The following FAM110B variants were observed in gnomAD, a reference collection of about 807,000 sequenced individuals.
FAM110B encodes protein FAM110B.
FAM110B carries 6 observed loss-of-function variants against 20.4 expected under a neutral mutation model. That is an observed-to-expected ratio of 0.29 (90% CI 0.16 to 0.58). FAM110B has a LOEUF of 0.58. Ranked by LOEUF, FAM110B falls within the 20% of genes least tolerant of loss-of-function variation. The probability of loss-of-function intolerance (pLI) is 0.90; values close to 1 mark genes in which losing one functional copy is unlikely to be tolerated. For synonymous variants in FAM110B, 226 were observed against 214.1 expected, an observed-to-expected ratio of 1.06 and a Z score of -0.49; for missense variants, 434 against 498.2, an observed-to-expected ratio of 0.87 and a Z score of 1.23.
chr8:58,112,604 C>T (rs1218493930), intron 3 of FAM110B, among the ~76,000 whole-genome samples: 2 of 152,334 alleles, frequency 1.3e-5, no homozygotes, highest in Non-Finnish European at 2.9e-5. Flanking sequence ...CTGGGCCACG[C>T]CCCTGGGCTC....
intron 2 of FAM110B, among the ~76,000 whole-genome samples, chr8:58,054,665 G>C (rs1192846923): frequency 6.6e-6 from 1 of 152,172 alleles, no homozygotes; most frequent in African/African-American, 2.4e-5. Context: ...AGTCTTGGGA[G>C]CCCTTGGAAA....
intron 3 of FAM110B, among the ~76,000 whole-genome samples, chr8:58,086,804 G>T (rs1300421676): frequency 2.6e-5 from 4 of 152,200 alleles, no homozygotes; most frequent in African/African-American, 4.8e-5. Context: ...CCCCAGTAAA[G>T]ACAAAGGAAT....
chr8:58,014,401 C>T (rs549636364), intron 1 of FAM110B, among the ~76,000 whole-genome samples: 1 of 152,206 alleles, frequency 6.6e-6, no homozygotes, highest in Admixed American at 6.5e-5. Context: ...GGGAGGGCCT[C>T]GAGATCTGCA....
intron 1 of FAM110B, among the ~76,000 whole-genome samples, chr8:58,017,654 A>G (rs907182027): frequency 6.6e-6 from 1 of 152,238 alleles, no homozygotes; most frequent in Non-Finnish European, 1.5e-5. Flanking sequence ...TACAGCCTCA[A>G]TCTCTTAGAA....
At position 58,107,670 on chromosome 8, in the gene FAM110B, G is replaced by A. The variant is rs532531904; in HGVS notation, c.-325+32047G>A. Among the ~76,000 whole-genome samples the A allele has an allele frequency of 2.6e-4, 39 of 152,256 alleles. No individual in the cohort carries two copies. In the South Asian group the frequency reaches 6.6e-3, roughly 26 times the overall value. On this transcript the variant is annotated intron_variant, in intron 3 of 3. Transcript: ENST00000519262. ...GTTTGTATAATGCATAATAATAAGC[G>A]CCTCTGGATTATTTTTAATGCATCA...
At chr8:57,995,126 C>T (rs1463656794) in intron 1 of FAM110B, among the ~76,000 whole-genome samples, 3 of 152,088 alleles carry the variant, frequency 2.0e-5, no homozygotes, top group African/African-American at 7.2e-5. Flanking sequence ...GGCACGGGGC[C>T]GGGGCTGGAG....
At chr8:58,038,027 C>T (rs1459486669) in intron 2 of FAM110B, among the ~76,000 whole-genome samples, 1 of 152,138 alleles carries the variant, frequency 6.6e-6, no homozygotes, top group East Asian at 1.9e-4. Flanking sequence ...TGTATTGTAC[C>T]AAATGAATTC....
chr8:58,076,666 A>G (rs1046119228), intron 3 of FAM110B, among the ~76,000 whole-genome samples: 10 of 152,198 alleles, frequency 6.6e-5, no homozygotes, highest in Non-Finnish European at 1.2e-4. Context: ...TGAGAGCTCA[A>G]TAACACCAAA....
intron 2 of FAM110B, among the ~76,000 whole-genome samples, chr8:58,054,343 A>G (rs377632435): frequency 6.6e-6 from 1 of 152,196 alleles, no homozygotes; most frequent in Non-Finnish European, 1.5e-5. Flanking sequence ...GTCTACACCC[A>G]TGGTAGCCTC....
At chr8:58,086,698 T>C (rs1806345630) in intron 3 of FAM110B, among the ~76,000 whole-genome samples, 1 of 152,220 alleles carries the variant, frequency 6.6e-6, no homozygotes, top group Non-Finnish European at 1.5e-5. Flanking sequence ...TGTAAAATAC[T>C]CTACAAACTG....
intron 2 of FAM110B, among the ~76,000 whole-genome samples, chr8:58,056,043 C>CCT (rs1356225885): frequency 6.6e-6 from 1 of 152,130 alleles, no homozygotes; most frequent in African/African-American, 2.4e-5. Flanking sequence ...CAAATCCAAC[C>CCT]CTCTGTCTGT....
chr8:58,014,800 A>G (rs1425218001), intron 1 of FAM110B, among the ~76,000 whole-genome samples: 1 of 146,990 alleles, frequency 6.8e-6, no homozygotes, highest in Admixed American at 6.7e-5. Flanking sequence ...GGACATCTGG[A>G]AGCAAACCTA....
chr8:58,136,115 G>A lies in FAM110B; in HGVS notation c.-324-9792G>A, dbSNP rs372193295. Reference sequence around the variant, plus strand: ...CAACCTCTGCCTCCCAGGCTCAAGCGATTTTCCTGCCTCAGCCTCCTGAGT... The same window carrying A: ...CAACCTCTGCCTCCCAGGCTCAAGCAATTTTCCTGCCTCAGCCTCCTGAGT... On this transcript the variant is annotated intron_variant, in intron 3 of 3. Transcript: ENST00000519262. 4.8e-4 allele frequency among the ~76,000 whole-genome samples: 70 copies of A among 144,760 alleles called. 1 individual carries two copies. The highest frequency in any genetic ancestry group is 3.1e-3 in the South Asian group (14 of 4,478). The allele number at this position is 144,760 out of a possible 152,430, so 95.0% of individuals were successfully genotyped here.
At chr8:58,090,929 G>A (rs1185963074) in intron 3 of FAM110B, among the ~76,000 whole-genome samples, 1 of 152,122 alleles carries the variant, frequency 6.6e-6, no homozygotes, top group Non-Finnish European at 1.5e-5. Context: ...AGTAAATATA[G>A]CAGTTAACAG....
At chr8:58,084,998 G>A (rs902911203) in intron 3 of FAM110B, among the ~76,000 whole-genome samples, 6 of 152,232 alleles carry the variant, frequency 3.9e-5, no homozygotes, top group African/African-American at 7.2e-5. Context: ...TGGCTACACC[G>A]AGGCACAGGA....
intron 3 of FAM110B, among the ~76,000 whole-genome samples, chr8:58,129,058 A>C (rs1354620339): frequency 2.0e-5 from 3 of 152,240 alleles, no homozygotes. Flanking sequence ...AAATAGATGA[A>C]GGTTTAAAAG....
In FAM110B at chr8:58,146,506, A is replaced by C; in HGVS notation, c.276A>C (p.Ala92=). The C allele has an allele frequency of 6.2e-7, 1 of 1,613,790 alleles. No homozygotes were observed. The highest frequency in any genetic ancestry group is 8.5e-7 in the Non-Finnish European group (1 of 1,179,886). The change falls in exon 4 of 4, where the codon GCA becomes GCC. Residue 92 remains alanine, a synonymous_variant. Coordinates refer to ENST00000519262, the MANE Select transcript of FAM110B (RefSeq NM_001377989.1). ...KPPVCPAAKR[A]LGSPTLKVFG... is the part of the protein sequence containing the mutation. ...CGGTGTGCCCGGCTGCCAAGCGCGC[A>C]CTGGGCAGCCCCACGCTCAAAGTGT...
Position 58,078,547 on chromosome 8 carries a change from C to CTTTTTTTT in FAM110B, c.-325+2938_-325+2945dup, listed in dbSNP as rs71555701. Among the ~76,000 whole-genome samples the CTTTTTTTT allele has an allele frequency of 4.3e-5, 5 of 115,546 alleles. 1 individual carries two copies. Among genetic ancestry groups the CTTTTTTTT allele is most frequent in the African/African-American group, 6.9e-5 (2 of 29,050 alleles). 75.8% of individuals were successfully genotyped at this position (115,546 alleles called of 152,430 possible). A position where few individuals can be genotyped will look rare whatever the true frequency, so the allele number is the denominator to read the frequency against. ...TCAAAACTTCTCTCCAGATTTTTGC[C>CTTTTTTTT]TTTTTTTTTTTTTTTTTTTTTGAGA... On this transcript the variant is annotated intron_variant, in intron 3 of 3. Coordinates refer to ENST00000519262, the MANE Select transcript of FAM110B (RefSeq NM_001377989.1).
At chr8:58,060,803 A>G (rs1272840002) in intron 2 of FAM110B, among the ~76,000 whole-genome samples, 1 of 152,090 alleles carries the variant, frequency 6.6e-6, no homozygotes, top group Non-Finnish European at 1.5e-5. Context: ...GAGGAAAGAA[A>G]CCCTTGCCCA....
Sources: allele counts gnomAD v4.1 joint callset (sites outside exome capture counted in the v4.1 genomes callset), GRCh38; gene constraint gnomAD v4.1.1; transcripts MANE v1.5; gene names NCBI Gene and HGNC (gene_info 2026-07-23, HGNC 2026-07-21).